PDE4D: variants seen among roughly 807,000 people sequenced by gnomAD.
The protein encoded by PDE4D is phosphodiesterase 4D.
In PDE4D, 24 loss-of-function variants were observed where a neutral mutation model predicts 87.4. The ratio of observed to expected loss-of-function variants is 0.27; its 90% CI spans 0.20 to 0.39. PDE4D has a LOEUF of 0.39. Among genes scored for constraint, PDE4D ranks in the 10% least tolerant of loss-of-function variants. PDE4D has a pLI of 1.00. For missense variants in PDE4D, 714 were observed against 1,041.0 expected (o/e 0.69, Z 4.32); for synonymous variants, 384 against 383.2 (o/e 1.00, Z -0.02).
chr5:60,073,507 T>TA (rs398108979), intron 2 of PDE4D, among the ~76,000 whole-genome samples: 5 of 150,068 alleles, frequency 3.3e-5, no homozygotes, highest in East Asian at 1.9e-4. Flanking sequence ...TTTTTTTTTT[T>TA]AAATCAGGAT....
chr5:59,798,254 CTGTGTGTGTGTGTGTGTGTGTGTGTG>C (rs72009917), intron 1 of PDE4D, among the ~76,000 whole-genome samples: 2 of 143,850 alleles, frequency 1.4e-5, no homozygotes, highest in East Asian at 2.1e-4. Flanking sequence ...ATATAAATGC[CTGTGTGTGTGTGTGTGTGTGTGTGTG>C]TGTGTGTGTG....
intron 1 of PDE4D, among the ~76,000 whole-genome samples, chr5:59,639,506 G>A (rs1741174676): frequency 6.6e-6 from 1 of 152,138 alleles, no homozygotes; most frequent in African/African-American, 2.4e-5. Flanking sequence ...TCAGAAGGTA[G>A]AATCAACATG....
intron 2 of PDE4D, among the ~76,000 whole-genome samples, chr5:60,015,595 T>C (rs1765426962): frequency 6.6e-6 from 1 of 152,200 alleles, no homozygotes; most frequent in African/African-American, 2.4e-5. Flanking sequence ...CCCATGGTAC[T>C]TGGATATTTG....
At chr5:59,323,243 C>A (rs1484888053) in intron 1 of PDE4D, among the ~76,000 whole-genome samples, 1 of 152,100 alleles carries the variant, frequency 6.6e-6, no homozygotes, top group South Asian at 2.1e-4. Context: ...ACATCAGATT[C>A]TCCCACTAAT....
chr5:59,647,479 A>T (rs1300726133), intron 1 of PDE4D, among the ~76,000 whole-genome samples: 4 of 151,416 alleles, frequency 2.6e-5, no homozygotes, highest in Non-Finnish European at 5.9e-5. Context: ...TTTTAATTAA[A>T]ATAGTGATTT....
chr5:59,691,383 T>C (rs1396927080), intron 1 of PDE4D, among the ~76,000 whole-genome samples: 2 of 152,068 alleles, frequency 1.3e-5, no homozygotes, highest in Non-Finnish European at 2.9e-5. Flanking sequence ...TGGAATACTA[T>C]GCAGCCATAA....
chr5:59,586,710 C>T (rs527844231), intron 1 of PDE4D: 194 of 985,272 alleles, frequency 2.0e-4, no homozygotes, highest in African/African-American at 1.3e-3. Context: ...AAAATCTAAC[C>T]GCCTTGAGTG....
At chr5:60,223,835 C>T (rs866810169) in intron 1 of PDE4D, among the ~76,000 whole-genome samples, 2 of 152,096 alleles carry the variant, frequency 1.3e-5, no homozygotes, top group African/African-American at 2.4e-5. Flanking sequence ...TCTCAAACTC[C>T]ATTTTTTCCT....
intron 1 of PDE4D, among the ~76,000 whole-genome samples, chr5:59,638,545 T>A (rs968493856): frequency 6.6e-6 from 1 of 152,124 alleles, no homozygotes; most frequent in African/African-American, 2.4e-5. Flanking sequence ...AAGTAACTCC[T>A]ATCAGGGACC....
intron 1 of PDE4D, among the ~76,000 whole-genome samples, chr5:59,545,965 G>A (rs1428751784): frequency 6.6e-6 from 1 of 152,104 alleles, no homozygotes; most frequent in Non-Finnish European, 1.5e-5. Flanking sequence ...TCCAAACCCT[G>A]AGTCCACCCC....
intron 3 of PDE4D, among the ~76,000 whole-genome samples, chr5:59,970,159 G>A (rs1054934809): frequency 6.6e-6 from 1 of 152,174 alleles, no homozygotes; most frequent in Admixed American, 6.5e-5. Context: ...TATTAAAAGA[G>A]AAGCTTTCTC....
At chr5:60,330,049 G>T (rs953215998) in intron 1 of PDE4D, among the ~76,000 whole-genome samples, 1 of 151,272 alleles carries the variant, frequency 6.6e-6, no homozygotes, top group African/African-American at 2.4e-5. Context: ...GATAAAAAAA[G>T]TCACTCTGGG....
intron 1 of PDE4D, among the ~76,000 whole-genome samples, chr5:60,394,364 A>T (rs1442826304): frequency 1.3e-5 from 2 of 152,232 alleles, no homozygotes; most frequent in Admixed American, 6.5e-5. Flanking sequence ...TTTTCTCCCC[A>T]TAACTTGGGT....
intron 1 of PDE4D, among the ~76,000 whole-genome samples, chr5:59,668,658 T>C (rs1746464355): frequency 6.6e-6 from 1 of 150,636 alleles, no homozygotes; most frequent in African/African-American, 2.5e-5. Flanking sequence ...CAGTGAGCCA[T>C]GATTGCACCA....
chr5:60,068,825 C>T (rs1171210970), intron 2 of PDE4D, among the ~76,000 whole-genome samples: 1 of 152,078 alleles, frequency 6.6e-6, no homozygotes, highest in African/African-American at 2.4e-5. Context: ...TGGCCTCGAA[C>T]TCCTGAGCTC....
intron 1 of PDE4D, among the ~76,000 whole-genome samples, chr5:59,346,519 C>G (rs1050693872): frequency 2.0e-5 from 3 of 151,938 alleles, no homozygotes; most frequent in South Asian, 2.1e-4. Flanking sequence ...TTTCCCCCAC[C>G]GATAATAATT....
intron 3 of PDE4D, among the ~76,000 whole-genome samples, chr5:59,958,337 C>T (rs959410834): frequency 1.3e-5 from 2 of 152,094 alleles, no homozygotes; most frequent in Non-Finnish European, 2.9e-5. Context: ...ATGCCATTCT[C>T]TTTTGGCAAG....
At chr5:58,994,300 G>T (rs1443359261) in intron 6 of PDE4D, among the ~76,000 whole-genome samples, 2 of 152,060 alleles carry the variant, frequency 1.3e-5, no homozygotes, top group East Asian at 3.9e-4. Context: ...ACACCACATG[G>T]CATTACCAGT....
At chr5:59,217,831 A>G (rs1424178294) in intron 1 of PDE4D, among the ~76,000 whole-genome samples, 1 of 152,190 alleles carries the variant, frequency 6.6e-6, no homozygotes, top group Non-Finnish European at 1.5e-5. Flanking sequence ...AACCTTGTCA[A>G]TTCCCAGGAA....
Sources: allele counts gnomAD v4.1 joint callset (sites outside exome capture counted in the v4.1 genomes callset), GRCh38; gene constraint gnomAD v4.1.1; transcripts MANE v1.5; gene names NCBI Gene and HGNC (gene_info 2026-07-23, HGNC 2026-07-21).